Variants in DLGAP1 observed in about 807,000 individuals in gnomAD.
DLGAP1 encodes the protein disks large-associated protein 1.
DLGAP1 carries 11 observed loss-of-function variants against 90.8 expected under a neutral mutation model. The ratio of observed to expected loss-of-function variants is 0.12; its 90% CI spans 0.08 to 0.20. DLGAP1 has a LOEUF of 0.20. Ranked by LOEUF, DLGAP1 falls within the 10% of genes least tolerant of loss-of-function variation. The pLI is 1.00. For synonymous variants in DLGAP1, 558 were observed against 540.7 expected, an observed-to-expected ratio of 1.03 and a Z score of -0.44; for missense variants, 1,050 against 1,333.8, an observed-to-expected ratio of 0.79 and a Z score of 3.31.
At chr18:4,008,042 A>G (rs2074339800) in intron 2 of DLGAP1, among the ~76,000 whole-genome samples, 1 of 152,124 alleles carries the variant, frequency 6.6e-6, no homozygotes, top group South Asian at 2.1e-4. Flanking sequence ...ATCAGTCACT[A>G]ACAAATCCTG....
At chr18:4,296,008 G>GA (rs1302261770) in intron 1 of DLGAP1, among the ~76,000 whole-genome samples, 1 of 152,120 alleles carries the variant, frequency 6.6e-6, no homozygotes, top group African/African-American at 2.4e-5. Flanking sequence ...CAACATCAAG[G>GA]AAACAGTTTT....
intron 3 of DLGAP1, among the ~76,000 whole-genome samples, chr18:3,973,890 G>A (rs2073509828): frequency 6.6e-6 from 1 of 152,048 alleles, no homozygotes; most frequent in African/African-American, 2.4e-5. Context: ...ATGCAGAGTG[G>A]ACTTAGATGG....
intron 8 of DLGAP1, among the ~76,000 whole-genome samples, chr18:3,577,689 A>G (rs1313567821): frequency 2.0e-5 from 3 of 152,222 alleles, no homozygotes; most frequent in Non-Finnish European, 2.9e-5. Flanking sequence ...CTGGTCCTAG[A>G]ACTGCCAGCT....
At chr18:3,831,501 T>TA (rs1468974900) in intron 4 of DLGAP1, among the ~76,000 whole-genome samples, 1 of 152,188 alleles carries the variant, frequency 6.6e-6, no homozygotes, top group Non-Finnish European at 1.5e-5. Flanking sequence ...ATGAGCATCT[T>TA]AAAGATTCTA....
intron 8 of DLGAP1, among the ~76,000 whole-genome samples, chr18:3,576,634 G>A (rs545468070): frequency 4.7e-5 from 7 of 149,394 alleles, no homozygotes; most frequent in African/African-American, 1.5e-4. Flanking sequence ...GCGCGATCTT[G>A]GCTCACTGCA....
At chr18:3,595,176 T>A (rs1262059623) in intron 7 of DLGAP1, among the ~76,000 whole-genome samples, 1 of 152,194 alleles carries the variant, frequency 6.6e-6, no homozygotes, top group East Asian at 1.9e-4. Context: ...GGGCACCCAT[T>A]GAGAGGCGGG....
rs2076951251 is a variant in DLGAP1, at chr18:4,167,438, G to C, written c.-266-16151C>G. On this transcript the variant is annotated intron_variant, in intron 1 of 12. Coordinates refer to ENST00000315677, the MANE Select transcript of DLGAP1 (RefSeq NM_004746.4). ...AGGGACATATCACAATATAGGATTA[G>C]CTAGAAAGATATAACCCCTGAATCT... 2.0e-5 allele frequency among the ~76,000 whole-genome samples: 3 copies of C among 152,116 alleles called. No homozygotes were observed. The South Asian group carries it at 6.2e-4, about 32-fold the overall frequency.
intron 2 of DLGAP1, among the ~76,000 whole-genome samples, chr18:4,136,804 A>T (rs1403042534): frequency 6.6e-6 from 1 of 152,152 alleles, no homozygotes; most frequent in Non-Finnish European, 1.5e-5. Flanking sequence ...TACACAAGAA[A>T]TATTTGCTCA....
intron 1 of DLGAP1, among the ~76,000 whole-genome samples, chr18:4,178,134 A>G (rs35901320): frequency 7.9e-4 from 119 of 149,912 alleles, no homozygotes; most frequent in Non-Finnish European, 1.1e-3. Flanking sequence ...GATTCAGACT[A>G]TCCCACTATA....
intron 2 of DLGAP1, among the ~76,000 whole-genome samples, chr18:4,050,899 A>C (rs72871110): frequency 2.6e-3 from 391 of 152,344 alleles, no homozygotes; most frequent in South Asian, 5.4e-3. Flanking sequence ...ATTTTGATTC[A>C]TGACTGAAGT....
At chr18:3,910,874 C>A (rs904241487) in intron 3 of DLGAP1, among the ~76,000 whole-genome samples, 1 of 152,034 alleles carries the variant, frequency 6.6e-6, no homozygotes, top group Non-Finnish European at 1.5e-5. Context: ...AAAAAATGAG[C>A]CACCAACAGA....
At chr18:3,741,371 CCACCAT>C (rs948393588) in intron 6 of DLGAP1, among the ~76,000 whole-genome samples, 19 of 150,398 alleles carry the variant, frequency 1.3e-4, no homozygotes, top group Non-Finnish European at 2.4e-4. Flanking sequence ...ACCATCACCA[CCACCAT>C]CACCATCATC....
At chr18:3,595,420 A>T (rs574954051) in intron 7 of DLGAP1, among the ~76,000 whole-genome samples, 34 of 152,196 alleles carry the variant, frequency 2.2e-4, no homozygotes, top group Non-Finnish European at 4.3e-4. Flanking sequence ...GAAGGCTACC[A>T]TATGTAAATC....
At chr18:4,038,666 TA>T (rs1359737766) in intron 2 of DLGAP1, among the ~76,000 whole-genome samples, 2 of 152,144 alleles carry the variant, frequency 1.3e-5, no homozygotes, top group African/African-American at 2.4e-5. Context: ...AGACACAACA[TA>T]AAAAATATTT....
chr18:4,161,344 T>C (rs1351924862), intron 1 of DLGAP1, among the ~76,000 whole-genome samples: 1 of 152,140 alleles, frequency 6.6e-6, no homozygotes, highest in African/African-American at 2.4e-5. Flanking sequence ...ACATGTGGTG[T>C]TTGGTTTTAT....
chr18:4,405,885 A>G (rs1005708620), intron 1 of DLGAP1, among the ~76,000 whole-genome samples: 9 of 152,180 alleles, frequency 5.9e-5, no homozygotes, highest in Non-Finnish European at 1.3e-4. Flanking sequence ...ATTGGACAAA[A>G]AGTACAAACA....
chr18:3,930,186 G>T lies in DLGAP1; in HGVS notation c.-72-50046C>A, dbSNP rs189236116. ...TTATGTGCTGTGTGGGCCATAGGAA[G>T]TTCTTTTGTGAACTGTCTGCTGTGA... is the stretch of plus-strand genomic sequence containing the variant. On this transcript the variant is annotated intron_variant, in intron 3 of 12. Coordinates refer to ENST00000315677, the MANE Select transcript of DLGAP1 (RefSeq NM_004746.4). 2.6e-5 allele frequency among the ~76,000 whole-genome samples: 4 copies of T among 152,302 alleles called. No individual in the cohort carries two copies. In the East Asian group the frequency reaches 7.7e-4, roughly 29 times the overall value.
intron 1 of DLGAP1, among the ~76,000 whole-genome samples, chr18:4,304,064 T>C (rs750135826): frequency 1.3e-5 from 2 of 152,360 alleles, no homozygotes; most frequent in Middle Eastern, 3.4e-3. Context: ...GGATGCATGG[T>C]AGCAGTTGTT....
chr18:3,715,724 GGTACAACT>G (rs2147275247), intron 7 of DLGAP1, among the ~76,000 whole-genome samples: 1 of 152,232 alleles, frequency 6.6e-6, no homozygotes, highest in East Asian at 1.9e-4. Context: ...CTGGAACACA[GGTACAACT>G]GAAAGCATGC....
Sources: allele counts gnomAD v4.1 joint callset (sites outside exome capture counted in the v4.1 genomes callset), GRCh38; gene constraint gnomAD v4.1.1; transcripts MANE v1.5; gene names NCBI Gene and HGNC (gene_info 2026-07-23, HGNC 2026-07-21).